Variants in MYH11 observed in about 807,000 individuals in gnomAD.
MYH11 encodes myosin-11.
A neutral mutation model predicts 246.6 loss-of-function variants in MYH11; 80 were observed. The ratio of observed to expected loss-of-function variants is 0.32; its 90% CI spans 0.27 to 0.39. The LOEUF (loss-of-function observed/expected upper bound fraction) is 0.39, where lower values mean the gene tolerates loss of function less well. Ranked by LOEUF, MYH11 falls within the 10% of genes least tolerant of loss-of-function variation. MYH11 has a pLI of 1.00. For missense variants in MYH11, 2,158 were observed against 2,546.8 expected (o/e 0.85, Z 3.29); for synonymous variants, 1,071 against 1,015.5 (o/e 1.05, Z -1.04).
chr16:15,847,233 G>A (rs529596271), intron 1 of MYH11, among the ~76,000 whole-genome samples: 1 of 146,116 alleles, frequency 6.8e-6, no homozygotes, highest in South Asian at 2.2e-4. Context: ...ACTATGACAA[G>A]TAAAGTGGAC....
intron 9 of MYH11, among the ~76,000 whole-genome samples, chr16:15,770,373 T>TC (rs2042073588): frequency 6.6e-6 from 1 of 152,192 alleles, no homozygotes; most frequent in Admixed American, 6.5e-5. Flanking sequence ...TTTCCACAGT[T>TC]CTGTCCTGGT....
chr16:15,729,633 C>T (rs1445560877), intron 27 of MYH11, among the ~76,000 whole-genome samples: 1 of 151,774 alleles, frequency 6.6e-6, no homozygotes, highest in African/African-American at 2.4e-5. Flanking sequence ...TCACTGCAAC[C>T]TTTACCTCCT....
intron 36 of MYH11, 39 bp downstream of exon 36, chr16:15,719,181 C>T (rs774893600): frequency 3.8e-6 from 6 of 1,592,688 alleles, no homozygotes; most frequent in Non-Finnish European, 5.2e-6. Context: ...TCCCCCCATC[C>T]TCTGCTTCAG....
chr16:15,775,484 C>T (rs924150877), intron 8 of MYH11, among the ~76,000 whole-genome samples: 22 of 150,594 alleles, frequency 1.5e-4, no homozygotes, highest in Non-Finnish European at 3.0e-5. Flanking sequence ...GTTGCCTGCA[C>T]TCATTGGTTT....
At chr16:15,847,190 G>T (rs1413877212) in intron 1 of MYH11, among the ~76,000 whole-genome samples, 1 of 151,492 alleles carries the variant, frequency 6.6e-6, no homozygotes, top group Non-Finnish European at 1.5e-5. Flanking sequence ...TACATCCCAA[G>T]AGGGCTAGGA....
chr16:15,738,521 A>G (rs1042345685), intron 24 of MYH11, 44 bp downstream of exon 24: 2 of 1,556,994 alleles, frequency 1.3e-6, no homozygotes, highest in East Asian at 2.4e-5. Context: ...TCTAAAAAAA[A>G]TAATAAAATA....
intron 4 of MYH11, among the ~76,000 whole-genome samples, chr16:15,793,993 G>C (rs1333668806): frequency 7.3e-6 from 1 of 137,854 alleles, no homozygotes; most frequent in African/African-American, 2.7e-5. Context: ...ACCCAGGCTG[G>C]AGTGCAGTGG....
At position 15,720,322 on chromosome 16, in the gene MYH11, G is replaced by A. The variant is rs1432532960; in HGVS notation, c.4792-10C>T. 6.2e-7 allele frequency: 1 copy of A among 1,612,662 alleles called. No individual in the cohort carries two copies. On this transcript the variant is annotated splice_polypyrimidine_tract_variant and intron_variant, in intron 33 of 40. Transcript: ENST00000300036. The stretch of plus-strand genomic sequence containing the variant: ...TCTCATACTCGTGAAGCTGGGCGAG[G>A]AATAGAGATGTGTGCTGCCCCACTT...
intron 30 of MYH11, 29 bp downstream of exon 30, chr16:15,724,618 T>A (rs138543179): frequency 6.2e-7 from 1 of 1,613,300 alleles, no homozygotes; most frequent in African/African-American, 1.3e-5. Context: ...AGAGGACCCA[T>A]GAAGGAAGCA....
chr16:15,732,801 G>C (rs1734898491), intron 26 of MYH11, 93 bp from the exon 27 acceptor site: 3 of 1,484,148 alleles, frequency 2.0e-6, no homozygotes, highest in Non-Finnish European at 2.8e-6. Context: ...CCAGGACCCA[G>C]AGCTGCAGTC....
intron 22 of MYH11, 120 bp from the exon 23 acceptor site, chr16:15,740,308 T>G (rs2041237211): frequency 6.7e-7 from 1 of 1,487,322 alleles, no homozygotes; most frequent in South Asian, 1.2e-5. Flanking sequence ...TGTAGCCTCC[T>G]AAAAGGAAGA....
intron 4 of MYH11, among the ~76,000 whole-genome samples, chr16:15,787,963 A>G (rs780787503): frequency 1.3e-5 from 2 of 152,150 alleles, no homozygotes; most frequent in Non-Finnish European, 2.9e-5. Flanking sequence ...GTATCTAAGA[A>G]TAAACCCAGT....
intron 9 of MYH11, 133 bp downstream of exon 9, chr16:15,771,432 CTCCT>C (rs1567747056): frequency 3.1e-6 from 3 of 957,014 alleles, no homozygotes; most frequent in African/African-American, 1.8e-5. Context: ...ATTCATTTTC[CTCCT>C]TTTTTTTTTT....
intron 40 of MYH11, among the ~76,000 whole-genome samples, chr16:15,711,853 C>T (rs1034207091): frequency 1.2e-4 from 18 of 152,084 alleles, no homozygotes; most frequent in Admixed American, 1.0e-3. Context: ...CCACCATACC[C>T]GGCTAATTTT....
intron 27 of MYH11, among the ~76,000 whole-genome samples, chr16:15,731,346 G>GT (rs2040955409): frequency 6.6e-6 from 1 of 152,150 alleles, no homozygotes; most frequent in Non-Finnish European, 1.5e-5. Context: ...CTTACCAGCA[G>GT]TGTGACCTTG....
chr16:15,742,121 G>A (rs2041292431), intron 20 of MYH11: 4 of 634,784 alleles, frequency 6.3e-6, no homozygotes, highest in East Asian at 5.6e-5. Flanking sequence ...GCACAGGACA[G>A]CCCCCACAAC....
At chr16:15,777,764 G>A (rs1489278071) in intron 7 of MYH11, among the ~76,000 whole-genome samples, 1 of 152,114 alleles carries the variant, frequency 6.6e-6, no homozygotes, top group African/African-American at 2.4e-5. Flanking sequence ...CGTACCAAGG[G>A]CTGTGCATAT....
intron 3 of MYH11, among the ~76,000 whole-genome samples, chr16:15,806,420 G>A (rs1193273826): frequency 2.0e-5 from 3 of 151,866 alleles, no homozygotes; most frequent in African/African-American, 7.3e-5. Context: ...TGGCTGCCAG[G>A]AGCTGCGGGT....
chr16:15,830,624 T>C (rs942357366), intron 2 of MYH11, among the ~76,000 whole-genome samples: 1 of 152,118 alleles, frequency 6.6e-6, no homozygotes, highest in East Asian at 1.9e-4. Flanking sequence ...ACACCTGTAA[T>C]TGTAGCACTT....
Sources: allele counts gnomAD v4.1 joint callset (sites outside exome capture counted in the v4.1 genomes callset), GRCh38; gene constraint gnomAD v4.1.1; transcripts MANE v1.5; gene names NCBI Gene and HGNC (gene_info 2026-07-23, HGNC 2026-07-21).